ALG5: variants seen among roughly 807,000 people sequenced by gnomAD.
The protein encoded by ALG5 is ALG5 dolichyl-phosphate beta-glucosyltransferase.
Under a neutral mutation model 51.8 loss-of-function variants are expected in ALG5, and 26 were observed. The ratio of observed to expected loss-of-function variants is 0.50; its 90% CI spans 0.37 to 0.70. The LOEUF (loss-of-function observed/expected upper bound fraction) is 0.70. Ranked by LOEUF, ALG5 falls within the 30% of genes least tolerant of loss-of-function variation. The probability of loss-of-function intolerance (pLI) is 0.00; values close to 1 mark genes in which losing one functional copy is unlikely to be tolerated. For missense variants in ALG5, 311 were observed against 399.3 expected (o/e 0.78, Z 1.88); for synonymous variants, 141 against 136.1 (o/e 1.04, Z -0.25).
At chr13:36,994,360 C>A (rs574093668) in intron 3 of ALG5, among the ~76,000 whole-genome samples, 1 of 151,982 alleles carries the variant, frequency 6.6e-6, no homozygotes, top group East Asian at 1.9e-4. Context: ...ATTCTTAATC[C>A]CTCCAAGGGG....
At position 36,965,559 on chromosome 13, in the gene ALG5, C is replaced by T. The variant is rs773729785; in HGVS notation, c.773+16G>A. ...GGTCATAAGACAGACTGGATACATTCCAGTCAGAAACCTACCATCGTTCAA... is the reference window on the plus strand; with the variant it reads ...GGTCATAAGACAGACTGGATACATTTCAGTCAGAAACCTACCATCGTTCAA... On this transcript the variant is annotated intron_variant, in intron 8 of 9. Coordinates refer to ENST00000239891, the MANE Select transcript of ALG5 (RefSeq NM_013338.5). The T allele has an allele frequency of 1.2e-6, 2 of 1,610,528 alleles. No individual in the cohort carries two copies. Among genetic ancestry groups the T allele is most frequent in the African/African-American group, 1.3e-5 (1 of 74,686 alleles).
chr13:36,958,612 C>T (rs2058851482), intron 8 of ALG5, among the ~76,000 whole-genome samples: 1 of 152,162 alleles, frequency 6.6e-6, no homozygotes. Flanking sequence ...GAGCGGTGGT[C>T]TCCCCAGCAG....
At chr13:36,977,825 G>GAAA (rs2058960226) in intron 6 of ALG5, among the ~76,000 whole-genome samples, 1 of 126,540 alleles carries the variant, frequency 7.9e-6, no homozygotes, top group African/African-American at 3.2e-5. Flanking sequence ...CAAAAACGGT[G>GAAA]GTAAGAAGTA....
At chr13:36,970,714 A>G (rs2058918763) in intron 7 of ALG5, among the ~76,000 whole-genome samples, 3 of 152,212 alleles carry the variant, frequency 2.0e-5, no homozygotes, top group Non-Finnish European at 4.4e-5. Flanking sequence ...GGAGTTTGAG[A>G]CCAGCTTGGC....
At position 36,985,030 on chromosome 13, in the gene ALG5, C is replaced by T. The variant is rs145994238; in HGVS notation, c.561+597G>A. The stretch of plus-strand genomic sequence containing the variant: ...GGTAGGTATATTGTTTGATGTTGTC[C>T]AAGGGTGCTTTTTCATTCTCTTATT... On this transcript the variant is annotated intron_variant, in intron 6 of 9. Coordinates refer to ENST00000239891, the MANE Select transcript of ALG5 (RefSeq NM_013338.5). Among the ~76,000 whole-genome samples the T allele has an allele frequency of 2.4e-3, 371 of 151,770 alleles. 2 individuals carry two copies. Among genetic ancestry groups the T allele is most frequent in the African/African-American group, 8.6e-3 (355 of 41,370 alleles).
chr13:36,974,951 G>T (rs961825309), intron 6 of ALG5, among the ~76,000 whole-genome samples: 2 of 152,116 alleles, frequency 1.3e-5, no homozygotes, highest in Non-Finnish European at 2.9e-5. Flanking sequence ...AGTGGCTCAC[G>T]CCTGTAATCC....
At chr13:36,977,748 T>C (rs1298450293) in intron 6 of ALG5, among the ~76,000 whole-genome samples, 3 of 118,032 alleles carry the variant, frequency 2.5e-5, no homozygotes, top group Non-Finnish European at 4.8e-5. Flanking sequence ...GCTGAGATCA[T>C]GCTACTGCAC....
chr13:36,972,145 C>A, intron 6 of ALG5, 109 bp from the exon 7 acceptor site: 2 of 870,270 alleles, frequency 2.3e-6, no homozygotes, highest in Non-Finnish European at 3.5e-6. Context: ...AAAAAGTTGA[C>A]ATTAAAAATC....
intron 8 of ALG5, among the ~76,000 whole-genome samples, chr13:36,962,595 T>C (rs2058872694): frequency 1.3e-5 from 2 of 152,038 alleles, no homozygotes; most frequent in African/African-American, 4.8e-5. Context: ...CCTCCCAAAG[T>C]GCTAGGATGA....
intron 5 of ALG5, among the ~76,000 whole-genome samples, chr13:36,986,751 T>TC (rs1421980809): frequency 6.6e-6 from 1 of 152,048 alleles, no homozygotes; most frequent in African/African-American, 2.4e-5. Context: ...ACAGTGAGAC[T>TC]CCATCTCTAC....
chr13:36,990,999 C>T (rs1016607306), intron 4 of ALG5, among the ~76,000 whole-genome samples: 2 of 152,188 alleles, frequency 1.3e-5, no homozygotes, highest in African/African-American at 4.8e-5. Context: ...AAGCCCTGTT[C>T]AAACACCCTC....
Position 36,989,529 on chromosome 13 carries a change from C to T in ALG5, c.402G>A (p.Val134=). ...TTCCACGATTCTTCACCAGGGTTAT[C>T]ACACGTACTTTGTCACTTCCATATT... The part of the protein sequence containing the change: ...CQKYGSDKVR[V]ITLVKNRGKG... The change falls in exon 5 of 10, where the codon GTG becomes GTA. Residue 134 remains valine, a synonymous_variant. Coordinates refer to ENST00000239891, the MANE Select transcript of ALG5 (RefSeq NM_013338.5). 1 of 1,612,980 alleles carries T rather than the reference C, an allele frequency of 6.2e-7. No individual in the cohort carries two copies. The highest frequency in any genetic ancestry group is 8.5e-7 in the Non-Finnish European group (1 of 1,179,368).
intron 1 of ALG5, among the ~76,000 whole-genome samples, chr13:36,996,454 A>T (rs1331297048): frequency 6.6e-6 from 1 of 152,158 alleles, no homozygotes. Flanking sequence ...AGATTATAAG[A>T]TTATAATCAA....
chr13:36,952,447 C>G, intron 9 of ALG5, 67 bp downstream of exon 9: 1 of 1,157,812 alleles, frequency 8.6e-7, no homozygotes, highest in Non-Finnish European at 1.2e-6. Context: ...ACATTAAAGC[C>G]AGCTGACTTT....
At chr13:36,989,431 A>T (rs184849850) in intron 5 of ALG5, 53 bp downstream of exon 5, 145 of 1,382,034 alleles carry the variant, frequency 1.0e-4, no homozygotes, top group Non-Finnish European at 1.3e-4. Flanking sequence ...TGCAAAAGAC[A>T]TTATTCAAGA....
chr13:36,959,287 T>C (rs1449663011), intron 8 of ALG5, among the ~76,000 whole-genome samples: 2 of 152,152 alleles, frequency 1.3e-5, no homozygotes, highest in African/African-American at 4.8e-5. Flanking sequence ...AGATCTATTA[T>C]ACAATGTAGT....
At chr13:36,993,293 T>C (rs1182640868) in intron 4 of ALG5, among the ~76,000 whole-genome samples, 1 of 152,140 alleles carries the variant, frequency 6.6e-6, no homozygotes, top group Admixed American at 6.5e-5. Context: ...TAAGGCAAGA[T>C]GGAGCATAAA....
At position 36,978,798 on chromosome 13, in the gene ALG5, C is replaced by T. The variant is rs1023187263; in HGVS notation, c.562-6762G>A. Among the ~76,000 whole-genome samples, 5 of 151,552 alleles carry T rather than the reference C, an allele frequency of 3.3e-5. No homozygotes were observed. The East Asian group carries it at 1.0e-3, about 31-fold the overall frequency. ...GGGCCTGGTGGTGGATGCCTGTAAT[C>T]CCAGCTGTTTGGGAGGCTGAGGCAG... is the stretch of plus-strand genomic sequence containing the variant. On this transcript the variant is annotated intron_variant, in intron 6 of 9. Coordinates refer to ENST00000239891, the MANE Select transcript of ALG5 (RefSeq NM_013338.5).
chr13:36,961,706 T>C (rs1279177134), intron 8 of ALG5, among the ~76,000 whole-genome samples: 1 of 152,170 alleles, frequency 6.6e-6, no homozygotes, highest in Non-Finnish European at 1.5e-5. Context: ...AACATACCCA[T>C]TTAATTTATA....
Sources: allele counts gnomAD v4.1 joint callset (sites outside exome capture counted in the v4.1 genomes callset), GRCh38; gene constraint gnomAD v4.1.1; transcripts MANE v1.5; gene names NCBI Gene and HGNC (gene_info 2026-07-23, HGNC 2026-07-21).